CAPN8: variants seen among roughly 807,000 people sequenced by gnomAD.
CAPN8 encodes calpain 8, also known as calpain-8.
CAPN8 carries 87 observed loss-of-function variants against 80.9 expected under a neutral mutation model. That is an observed-to-expected ratio of 1.07 (90% CI 0.90 to 1.28). The LOEUF (loss-of-function observed/expected upper bound fraction) is 1.28, where lower values mean the gene tolerates loss of function less well. CAPN8 is among the 50% of genes most tolerant of loss of function. CAPN8 has a pLI of 0.00. For missense variants in CAPN8, 757 were observed against 702.0 expected, an observed-to-expected ratio of 1.08 and a Z score of -0.89; for synonymous variants, 299 against 273.8, an observed-to-expected ratio of 1.09 and a Z score of -0.91.
At chr1:223,609,665 C>T (rs1656984593) in intron 11 of CAPN8, among the ~76,000 whole-genome samples, 1 of 152,182 alleles carries the variant, frequency 6.6e-6, no homozygotes, top group African/African-American at 2.4e-5. Context: ...CAGCTTCTCT[C>T]TGGATATTTT....
intron 9 of CAPN8, 23 bp downstream of exon 9, chr1:223,619,270 G>A (rs1442150670): frequency 6.4e-7 from 1 of 1,550,966 alleles, no homozygotes; most frequent in Non-Finnish European, 8.7e-7. Context: ...AGGAGGTTGG[G>A]CCAAGGCAGC....
At position 223,615,988 on chromosome 1, in the gene CAPN8, G is replaced by C. The variant is rs910488145; in HGVS notation, c.1293C>G (p.Ile431Met). ...RKRIGQGMLS[I>M]GYAVYQVPKE... The stretch of plus-strand genomic sequence containing the variant: ...GCAGTACCTGGTAGACGGCATAGCC[G>C]ATGCTAAGCATGCCTTGTCCTATCC... The change falls in exon 10 of 21, where the codon ATC (isoleucine) becomes ATG (methionine). Residue 431 changes from isoleucine to methionine, a missense_variant. Physicochemically the swap from Ile to Met is conservative, Grantham distance 10. Transcript: ENST00000366872. 1.3e-6 allele frequency: 2 copies of C among 1,552,272 alleles called. No homozygotes were observed. The highest frequency in any genetic ancestry group is 2.4e-5 in the South Asian group (2 of 84,064).
chr1:223,550,056 C>T (rs1656742179), intron 15 of CAPN8, among the ~76,000 whole-genome samples: 1 of 152,202 alleles, frequency 6.6e-6, no homozygotes, highest in African/African-American at 2.4e-5. Context: ...AGCAGCTATC[C>T]TTCCTTACTA....
chr1:223,551,151 T>A, intron 14 of CAPN8, 134 bp from the exon 15 acceptor site: 1 of 599,674 alleles, frequency 1.7e-6, no homozygotes, highest in Non-Finnish European at 3.0e-6. Context: ...TTTTTGTTTT[T>A]TGTTTTTTTT....
chr1:223,547,468 G>T (rs560782126), intron 16 of CAPN8, among the ~76,000 whole-genome samples: 1 of 152,284 alleles, frequency 6.6e-6, no homozygotes, highest in African/African-American at 2.4e-5. Context: ...GAGGTTGGGG[G>T]AAATGGAGAG....
At chr1:223,643,307 G>A (rs1416980606) in intron 2 of CAPN8, among the ~76,000 whole-genome samples, 2 of 152,292 alleles carry the variant, frequency 1.3e-5, no homozygotes, top group African/African-American at 2.4e-5. Flanking sequence ...TTCCAACTCC[G>A]GGCTAGGTAT....
At chr1:223,634,270 G>T (rs1452230003) in intron 2 of CAPN8, among the ~76,000 whole-genome samples, 1 of 152,188 alleles carries the variant, frequency 6.6e-6, no homozygotes, top group African/African-American at 2.4e-5. Flanking sequence ...GTCTGCAGCA[G>T]TAAGGAGCAC....
At chr1:223,647,093 G>A (rs1007176048) in intron 2 of CAPN8, among the ~76,000 whole-genome samples, 1 of 152,142 alleles carries the variant, frequency 6.6e-6, no homozygotes, top group African/African-American at 2.4e-5. Flanking sequence ...CTTACAAAGT[G>A]AGGAATAGTC....
intron 2 of CAPN8, among the ~76,000 whole-genome samples, chr1:223,653,022 A>T (rs1658382436): frequency 6.6e-6 from 1 of 151,944 alleles, no homozygotes; most frequent in African/African-American, 2.4e-5. Flanking sequence ...CCTTTCCCAA[A>T]GTTAAAACAT....
At chr1:223,621,835 G>C (rs1158666427) in intron 7 of CAPN8, among the ~76,000 whole-genome samples, 3 of 151,956 alleles carry the variant, frequency 2.0e-5, no homozygotes, top group African/African-American at 4.8e-5. Context: ...CATTTCTGGT[G>C]GTTCTTTGTC....
chr1:223,623,805 C>A (rs1264039713), intron 6 of CAPN8, among the ~76,000 whole-genome samples: 1 of 152,028 alleles, frequency 6.6e-6, no homozygotes, highest in African/African-American at 2.4e-5. Flanking sequence ...ACCATCCTAG[C>A]CAACATGGTG....
At chr1:223,546,868 G>A (rs115487053) in intron 16 of CAPN8, among the ~76,000 whole-genome samples, 1 of 149,776 alleles carries the variant, frequency 6.7e-6, no homozygotes, top group African/African-American at 2.5e-5. Context: ...GGAATCAGGG[G>A]TTTTTGTTTG....
intron 2 of CAPN8, among the ~76,000 whole-genome samples, chr1:223,644,661 C>T (rs1015213655): frequency 3.9e-5 from 6 of 152,152 alleles, no homozygotes; most frequent in South Asian, 2.1e-4. Context: ...TCTAGGGGAG[C>T]GCTAGGAAAC....
At chr1:223,645,997 C>G (rs192961091) in intron 2 of CAPN8, among the ~76,000 whole-genome samples, 1 of 152,124 alleles carries the variant, frequency 6.6e-6, no homozygotes. Context: ...TGTAACTTTA[C>G]GAGGTGACTA....
chr1:223,621,863 A>AT (rs879661484), intron 7 of CAPN8, among the ~76,000 whole-genome samples: 143 of 146,526 alleles, frequency 9.8e-4, no homozygotes, highest in African/African-American at 1.8e-3. Flanking sequence ...CTGGCTAATT[A>AT]TTTTTTTTTT....
At chr1:223,644,336 C>A in intron 2 of CAPN8, 1 of 193,686 alleles carries the variant, frequency 5.2e-6, no homozygotes, top group East Asian at 1.3e-4. Context: ...GGTTGATGGG[C>A]TCCATCATAG....
intron 1 of CAPN8, among the ~76,000 whole-genome samples, chr1:223,661,522 C>T (rs1658643840): frequency 6.6e-6 from 1 of 151,968 alleles, no homozygotes; most frequent in Non-Finnish European, 1.5e-5. Flanking sequence ...CCCAGCTACT[C>T]GGGAGTCTGA....
intron 2 of CAPN8, among the ~76,000 whole-genome samples, 171 bp downstream of exon 2, chr1:223,654,159 C>T (rs1262414279): frequency 6.6e-6 from 1 of 152,168 alleles, no homozygotes; most frequent in African/African-American, 2.4e-5. Context: ...CAGTGAAGTT[C>T]CAGCATTTGG....
intron 18 of CAPN8, 137 bp downstream of exon 18, chr1:223,544,635 C>T (rs1490535433): frequency 8.0e-6 from 10 of 1,242,736 alleles, no homozygotes; most frequent in Non-Finnish European, 1.1e-5. Flanking sequence ...AGGTACTCAA[C>T]AAAGCTCTGT....
Sources: allele counts gnomAD v4.1 joint callset (sites outside exome capture counted in the v4.1 genomes callset), GRCh38; gene constraint gnomAD v4.1.1; transcripts MANE v1.5; gene names NCBI Gene and HGNC (gene_info 2026-07-23, HGNC 2026-07-21).